LOC128125817: variants seen among roughly 807,000 people sequenced by gnomAD.
chr1:41,604,894 A>G, the LOC128125817 span, among the ~76,000 whole-genome samples: 2 of 152,042 alleles, frequency 1.3e-5, no homozygotes, highest in Non-Finnish European at 2.9e-5. Flanking sequence ...GCTTGAGCCC[A>G]GGAATTCGAG....
chr1:41,589,904 A>G, the LOC128125817 span, among the ~76,000 whole-genome samples: 3 of 152,272 alleles, frequency 2.0e-5, no homozygotes, highest in Admixed American at 2.0e-4. Flanking sequence ...CAAAAATATA[A>G]GAAAACTTTC....
chr1:41,591,659 C>G, the LOC128125817 span, among the ~76,000 whole-genome samples: 1 of 151,962 alleles, frequency 6.6e-6, no homozygotes, highest in Non-Finnish European at 1.5e-5. Context: ...GACTTTGCAG[C>G]CTCCAATGTA....
At chr1:41,612,581 T>C in the LOC128125817 span, among the ~76,000 whole-genome samples, 1 of 152,184 alleles carries the variant, frequency 6.6e-6, no homozygotes, top group Non-Finnish European at 1.5e-5. Flanking sequence ...CTGGGCTGGA[T>C]CCACAGCTCA....
At chr1:41,612,092 C>T in the LOC128125817 span, among the ~76,000 whole-genome samples, 1 of 151,100 alleles carries the variant, frequency 6.6e-6, no homozygotes, top group Non-Finnish European at 1.5e-5. Context: ...TCCTCCCACT[C>T]CCACCCACCT....
the LOC128125817 span, chr1:41,628,706 T>C: frequency 8.3e-7 from 1 of 1,209,088 alleles, no homozygotes; most frequent in Non-Finnish European, 1.0e-6. Context: ...CAGACCAACA[T>C]GGCGCCTGGC....
the LOC128125817 span, among the ~76,000 whole-genome samples, chr1:41,611,736 T>G: frequency 1.3e-5 from 2 of 152,226 alleles, no homozygotes; most frequent in East Asian, 3.8e-4. Flanking sequence ...TTTCTCCCAC[T>G]GTCCTGGGCA....
the LOC128125817 span, among the ~76,000 whole-genome samples, chr1:41,625,958 A>G: frequency 6.6e-6 from 1 of 152,252 alleles, no homozygotes; most frequent in Non-Finnish European, 1.5e-5. Context: ...TAAGACTATA[A>G]AAGTTTGAAA....
chr1:41,598,311 G>C, the LOC128125817 span, among the ~76,000 whole-genome samples: 1 of 152,172 alleles, frequency 6.6e-6, no homozygotes. Context: ...TTCTATACAC[G>C]TGACTGTGGC....
chr1:41,603,214 G>A, the LOC128125817 span, among the ~76,000 whole-genome samples: 6 of 149,114 alleles, frequency 4.0e-5, no homozygotes, highest in African/African-American at 1.5e-4. Context: ...TTACAGGCAC[G>A]CACTGTCATG....
chr1:41,607,528 T>C, the LOC128125817 span, among the ~76,000 whole-genome samples: 1 of 144,470 alleles, frequency 6.9e-6, no homozygotes, highest in Non-Finnish European at 1.5e-5. Context: ...CTGTTAAGGA[T>C]ACTACTGATA....
the LOC128125817 span, among the ~76,000 whole-genome samples, chr1:41,598,581 G>A: frequency 6.6e-6 from 1 of 152,128 alleles, no homozygotes; most frequent in African/African-American, 2.4e-5. Context: ...CAGTTATAAC[G>A]ATCACTCTAC....
At chr1:41,600,428 C>G in the LOC128125817 span, among the ~76,000 whole-genome samples, 1 of 152,144 alleles carries the variant, frequency 6.6e-6, no homozygotes, top group Non-Finnish European at 1.5e-5. Flanking sequence ...AACTTGATGA[C>G]ATTATGCTAA....
At chr1:41,627,399 C>T in the LOC128125817 span, among the ~76,000 whole-genome samples, 14 of 152,216 alleles carry the variant, frequency 9.2e-5, no homozygotes, top group African/African-American at 3.1e-4. Context: ...TGGGTCTACA[C>T]TGTTAAGTAC....
the LOC128125817 span, among the ~76,000 whole-genome samples, chr1:41,614,873 A>T: frequency 6.6e-6 from 1 of 152,222 alleles, no homozygotes; most frequent in African/African-American, 2.4e-5. Flanking sequence ...TCTTCTTGGC[A>T]CTAAGATCTG....
the LOC128125817 span, among the ~76,000 whole-genome samples, chr1:41,603,874 C>T: frequency 6.6e-6 from 1 of 152,268 alleles, no homozygotes; most frequent in South Asian, 2.1e-4. Context: ...TCATTTGCTT[C>T]TCTGTTGATC....
the LOC128125817 span, among the ~76,000 whole-genome samples, chr1:41,609,054 C>T: frequency 3.1e-4 from 47 of 149,548 alleles, no homozygotes; most frequent in African/African-American, 1.2e-3. Context: ...AGTGAAACTC[C>T]GTCTCAATAA....
the LOC128125817 span, among the ~76,000 whole-genome samples, chr1:41,622,762 G>T: frequency 1.3e-5 from 2 of 152,244 alleles, no homozygotes; most frequent in Non-Finnish European, 2.9e-5. Flanking sequence ...GCTGGGATGT[G>T]CTGGAGCAGG....
chr1:41,587,027 A>G, the LOC128125817 span, among the ~76,000 whole-genome samples: 3 of 152,106 alleles, frequency 2.0e-5, no homozygotes, highest in South Asian at 4.1e-4. Context: ...CTATATATTT[A>G]TATATGAGCT....
At chr1:41,612,329 G>T in the LOC128125817 span, among the ~76,000 whole-genome samples, 16 of 152,230 alleles carry the variant, frequency 1.1e-4, no homozygotes, top group South Asian at 3.3e-3. Context: ...CAACAATGCC[G>T]CCTTACGTTA....
Sources: gnomAD v4.1 joint callset for allele counts (sites outside exome capture counted in the v4.1 genomes callset) on GRCh38, gnomAD v4.1.1 for gene constraint, MANE v1.5 for transcripts.